The following DGKB variants were observed in gnomAD, a reference collection of about 807,000 sequenced individuals.
The protein encoded by DGKB is 90 kDa diacylglycerol kinase.
In DGKB, 67 loss-of-function variants were observed where a neutral mutation model predicts 114.3. The observed-to-expected ratio is 0.59, with a 90% CI of 0.48 to 0.72. The LOEUF (loss-of-function observed/expected upper bound fraction) is 0.72. Ranked by LOEUF, DGKB falls within the 30% of genes least tolerant of loss-of-function variation. The pLI is 0.00. For missense variants in DGKB, 907 were observed against 975.2 expected (o/e 0.93, Z 0.93); for synonymous variants, 398 against 323.1 (o/e 1.23, Z -2.49).
chr7:14,953,161 A>AT (rs1786303054), intron 1 of DGKB, among the ~76,000 whole-genome samples: 1 of 152,114 alleles, frequency 6.6e-6, no homozygotes, highest in African/African-American at 2.4e-5. Flanking sequence ...ATAGCTTCTT[A>AT]GATACTTTAC....
At chr7:14,597,744 G>A (rs1802836646) in intron 17 of DGKB, among the ~76,000 whole-genome samples, 2 of 152,086 alleles carry the variant, frequency 1.3e-5, no homozygotes. Context: ...CCTAAGACTT[G>A]AGTCTTATTA....
In DGKB at chr7:14,630,204, T is replaced by C. The variant is rs1414737330; in HGVS notation, c.1167+32A>G. Reference sequence around the variant, plus strand: ...ACAAGATGTATAATGACCTATAATTTTAAGTGTGAAAACCTGTTTTTGCTT... The same window carrying C: ...ACAAGATGTATAATGACCTATAATTCTAAGTGTGAAAACCTGTTTTTGCTT... On this transcript the variant is annotated intron_variant, in intron 14 of 25. Coordinates refer to ENST00000402815, the MANE Select transcript of DGKB (RefSeq NM_001350709.2). 2.0e-6 allele frequency: 3 copies of C among 1,502,674 alleles called. No individual in the cohort carries two copies. In the African/African-American group the frequency reaches 4.2e-5, roughly 21 times the overall value. 93.1% of individuals were successfully genotyped at this position (1,502,674 alleles called of 1,614,324 possible).
At chr7:14,648,410 T>A (rs893056840) in intron 13 of DGKB, among the ~76,000 whole-genome samples, 4 of 152,088 alleles carry the variant, frequency 2.6e-5, no homozygotes, top group Non-Finnish European at 5.9e-5. Context: ...GGCAGGGTAC[T>A]CCAACAGACC....
In DGKB at chr7:14,145,091, A is replaced by G. The variant is rs986708852; in HGVS notation, c.*4040T>C. ...TATTTCAAAAAACAGGATATTGTAT[A>G]TATCATTTCTGAGAAAATAATTAAG... is the stretch of plus-strand genomic sequence containing the variant. On this transcript the variant is annotated 3_prime_UTR_variant, in exon 26 of 26. Coordinates refer to ENST00000402815, the MANE Select transcript of DGKB (RefSeq NM_001350709.2). 2 of 152,208 alleles carry G rather than the reference A, an allele frequency of 1.3e-5. No homozygotes were observed. Among genetic ancestry groups the G allele is most frequent in the Non-Finnish European group, 2.9e-5 (2 of 68,034 alleles). The allele number at this position is 152,208 out of a possible 1,614,324, so 9.4% of individuals were successfully genotyped here.
chr7:14,352,432 T>C (rs949863721), intron 21 of DGKB, among the ~76,000 whole-genome samples: 5 of 152,196 alleles, frequency 3.3e-5, no homozygotes. Context: ...ATTTGTATTG[T>C]ACATTAGAAC....
intron 23 of DGKB, among the ~76,000 whole-genome samples, chr7:14,247,250 C>A (rs548699657): frequency 1.8e-4 from 27 of 151,166 alleles, no homozygotes; most frequent in Middle Eastern, 3.4e-3. Context: ...CTTTATCTAT[C>A]CATGAACACA....
intron 21 of DGKB, among the ~76,000 whole-genome samples, chr7:14,354,811 T>G (rs1022987652): frequency 4.6e-5 from 7 of 152,134 alleles, no homozygotes; most frequent in Non-Finnish European, 7.4e-5. Context: ...GGAAAGGAAT[T>G]ATCATCACCT....
chr7:14,527,335 G>A (rs546002742), intron 20 of DGKB, among the ~76,000 whole-genome samples: 1 of 152,202 alleles, frequency 6.6e-6, no homozygotes, highest in South Asian at 2.1e-4. Flanking sequence ...AATTTGTTTA[G>A]TAAACCTAGA....
rs28853389 is a variant in DGKB, at chr7:14,919,093, C to A, written c.-188+55603G>T. ...ACACACACACACACACACACACACA[C>A]AAACACACACACACACACACACACA... On this transcript the variant is annotated intron_variant, in intron 1 of 4. Transcript: ENST00000437998. Among the ~76,000 whole-genome samples the A allele has an allele frequency of 9.0e-3, 1,093 of 120,908 alleles. 7 individuals carry two copies. The highest frequency in any genetic ancestry group is 0.03 in the African/African-American group (994 of 33,564). The allele number at this position is 120,908 out of a possible 152,430, so 79.3% of individuals were successfully genotyped here.
chr7:14,487,025 C>A (rs995260193), intron 20 of DGKB, among the ~76,000 whole-genome samples: 5 of 152,144 alleles, frequency 3.3e-5, no homozygotes, highest in African/African-American at 4.8e-5. Flanking sequence ...TCACCTTTAA[C>A]CTTTTCATAA....
chr7:14,275,081 T>A (rs1479378152), intron 23 of DGKB, among the ~76,000 whole-genome samples: 7 of 152,172 alleles, frequency 4.6e-5, no homozygotes. Flanking sequence ...AACATCACTT[T>A]CTCTGAAGCA....
At chr7:14,642,737 C>T (rs1484366443) in intron 13 of DGKB, among the ~76,000 whole-genome samples, 1 of 152,120 alleles carries the variant, frequency 6.6e-6, no homozygotes, top group Non-Finnish European at 1.5e-5. Context: ...AATTTTGGCA[C>T]AAACTTACTA....
chr7:14,872,753 G>A (rs1168349872), intron 1 of DGKB, among the ~76,000 whole-genome samples: 1 of 151,236 alleles, frequency 6.6e-6, no homozygotes, highest in Non-Finnish European at 1.5e-5. Context: ...CTGGGAAAGG[G>A]GACCTGCTTC....
At chr7:14,344,770 T>C (rs945541946) in intron 22 of DGKB, among the ~76,000 whole-genome samples, 1 of 151,642 alleles carries the variant, frequency 6.6e-6, no homozygotes, top group South Asian at 2.1e-4. Flanking sequence ...TCTTGCTATC[T>C]TTGCTCTCTT....
chr7:14,554,033 C>T (rs997842680), intron 20 of DGKB, among the ~76,000 whole-genome samples: 3 of 151,738 alleles, frequency 2.0e-5, no homozygotes, highest in Admixed American at 1.3e-4. Flanking sequence ...TCACCACGCC[C>T]GGCTAATTTT....
At chr7:14,823,220 C>G (rs1260622227) in intron 2 of DGKB, among the ~76,000 whole-genome samples, 1 of 151,632 alleles carries the variant, frequency 6.6e-6, no homozygotes. Flanking sequence ...TTAATGGATA[C>G]AGTATTGAAA....
At chr7:14,333,526 C>T (rs1409045832) in intron 23 of DGKB, among the ~76,000 whole-genome samples, 1 of 149,988 alleles carries the variant, frequency 6.7e-6, no homozygotes, top group Non-Finnish European at 1.5e-5. Flanking sequence ...AAGACAATTG[C>T]AATGCGATAG....
At chr7:14,959,453 C>T (rs1422301568) in intron 1 of DGKB, among the ~76,000 whole-genome samples, 1 of 151,512 alleles carries the variant, frequency 6.6e-6, no homozygotes, top group Non-Finnish European at 1.5e-5. Context: ...TTTGTTCCTT[C>T]AATCTGACAT....
rs1562633777 is a variant in DGKB at position 14,212,374 on chromosome 7, CGTGTTTTGTG to C, written c.2123-34233_2123-34224del. ...CTCTCATGTTTTGTGATTTTACTCT[CGTGTTTTGTG>C]ATATTTACTCTCATGTTTTGTGATT... On this transcript the variant is annotated intron_variant, in intron 23 of 25. Coordinates refer to ENST00000402815, the MANE Select transcript of DGKB (RefSeq NM_001350709.2). Among the ~76,000 whole-genome samples the C allele has an allele frequency of 8.5e-3, 436 of 51,094 alleles. 149 individuals carry two copies. Among genetic ancestry groups the C allele is most frequent in the African/African-American group, 0.016 (194 of 12,406 alleles). 33.5% of individuals were successfully genotyped at this position (51,094 alleles called of 152,430 possible).
Sources: allele counts gnomAD v4.1 joint callset (sites outside exome capture counted in the v4.1 genomes callset), GRCh38; gene constraint gnomAD v4.1.1; transcripts MANE v1.5; gene names NCBI Gene and HGNC (gene_info 2026-07-23, HGNC 2026-07-21).